The following TGFBR1 variants were observed in gnomAD, a reference collection of about 807,000 sequenced individuals.
The protein encoded by TGFBR1 is TGF-beta receptor type-1.
TGFBR1 carries 20 observed loss-of-function variants against 55.1 expected under a neutral mutation model. That is an observed-to-expected ratio of 0.36 (90% CI 0.26 to 0.53). The LOEUF (loss-of-function observed/expected upper bound fraction) is 0.53, where lower values mean the gene tolerates loss of function less well. Among genes scored for constraint, TGFBR1 ranks in the 20% least tolerant of loss-of-function variants. The pLI is 0.91. For missense variants in TGFBR1, 385 were observed against 617.6 expected, an observed-to-expected ratio of 0.62 and a Z score of 3.99; for synonymous variants, 220 against 214.8, an observed-to-expected ratio of 1.02 and a Z score of -0.21.
chr9:99,125,735 A>G (rs2118519287), intron 1 of TGFBR1, among the ~76,000 whole-genome samples: 1 of 152,304 alleles, frequency 6.6e-6, no homozygotes, highest in East Asian at 1.9e-4. Context: ...GACAGTGGCT[A>G]CTCATGATCT....
intron 1 of TGFBR1, among the ~76,000 whole-genome samples, chr9:99,109,731 C>T (rs573399184): frequency 9.3e-4 from 141 of 152,312 alleles, no homozygotes; most frequent in African/African-American, 3.2e-3. Flanking sequence ...GTTCTCTGAA[C>T]AGATGGACTG....
At chr9:99,110,238 T>TA (rs199877403) in intron 1 of TGFBR1, among the ~76,000 whole-genome samples, 2,918 of 152,116 alleles carry the variant, frequency 0.019, 91 homozygotes, top group African/African-American at 0.066. Flanking sequence ...TAATCTAACT[T>TA]AAAAAAAATT....
At chr9:99,138,952 C>T (rs1288260323) in intron 4 of TGFBR1, among the ~76,000 whole-genome samples, 1 of 152,088 alleles carries the variant, frequency 6.6e-6, no homozygotes, top group Admixed American at 6.6e-5. Flanking sequence ...CGTGCACCAC[C>T]ATGCCCAGCT....
At position 99,133,970 on chromosome 9, in the gene TGFBR1, C is replaced by T. The variant is rs183589506; in HGVS notation, c.574+1231C>T. Among the ~76,000 whole-genome samples, 315 of 146,896 alleles carry T rather than the reference C, an allele frequency of 2.1e-3. 1 individual carries two copies. Among genetic ancestry groups the T allele is most frequent in the Non-Finnish European group, 3.9e-3 (264 of 67,376 alleles). ...AGTTAGCTGAGATCGCACCACTGCA[C>T]TCCAGCCTGGGAAACAGACTCCATC... On this transcript the variant is annotated intron_variant, in intron 3 of 8. Coordinates refer to ENST00000374994, the MANE Select transcript of TGFBR1 (RefSeq NM_004612.4).
At position 99,149,807 on chromosome 9, in the gene TGFBR1, T is replaced by A. The variant is rs201269197; in HGVS notation, c.*502T>A. 10 of 229,944 alleles carry A rather than the reference T, an allele frequency of 4.3e-5. No individual in the cohort carries two copies. Among genetic ancestry groups the A allele is most frequent in the Non-Finnish European group, 7.8e-5 (9 of 115,066 alleles). The allele number at this position is 229,944 out of a possible 1,614,324, so 14.2% of individuals were successfully genotyped here. On this transcript the variant is annotated 3_prime_UTR_variant, in exon 9 of 9. Coordinates refer to ENST00000374994, the MANE Select transcript of TGFBR1 (RefSeq NM_004612.4). ...TTCAGGATCTTAAAACTAACACTTATAAAACTCTTATCTTGAGTCTAAAAA... is the reference window on the plus strand; with the variant it reads ...TTCAGGATCTTAAAACTAACACTTAAAAAACTCTTATCTTGAGTCTAAAAA...
chr9:99,128,916 C>T lies in TGFBR1; in HGVS notation c.159C>T (p.Leu53=). 1 of 1,613,950 alleles carries T rather than the reference C, an allele frequency of 6.2e-7. No individual in the cohort carries two copies. The highest frequency in any genetic ancestry group is 8.5e-7 in the Non-Finnish European group (1 of 1,179,928). ...ATTTTACTTGTGTGACAGATGGGCT[C>T]TGCTTTGTCTCTGTCACAGAGACCA... ...KDNFTCVTDG[L]CFVSVTETTD... is the part of the protein sequence containing the mutation. Residue 53 remains leucine, a synonymous_variant, in exon 2 of 9, where the codon CTC becomes CTT. Transcript: ENST00000374994.
Position 99,150,476 on chromosome 9 carries a change from T to C in TGFBR1, c.*1171T>C, listed in dbSNP as rs10988732. The C allele has an allele frequency of 2.1e-3, 454 of 214,026 alleles. 2 individuals are homozygous for C. Among genetic ancestry groups the C allele is most frequent in the African/African-American group, 9.7e-3 (432 of 44,456 alleles). The allele number at this position is 214,026 out of a possible 1,614,324, so 13.3% of individuals were successfully genotyped here. On this transcript the variant is annotated 3_prime_UTR_variant, in exon 9 of 9. Transcript: ENST00000374994. Reference sequence around the variant, plus strand: ...GGTTAATATTAAATAATAGGCCTTTTTCTAGGAAGGCGAAGGTAGTTAATA... The same window carrying C: ...GGTTAATATTAAATAATAGGCCTTTCTCTAGGAAGGCGAAGGTAGTTAATA...
intron 3 of TGFBR1, among the ~76,000 whole-genome samples, chr9:99,137,164 G>C (rs562550534): frequency 6.6e-6 from 1 of 152,254 alleles, no homozygotes; most frequent in East Asian, 1.9e-4. Context: ...TACTAGTGTT[G>C]TCTATGTAGC....
intron 1 of TGFBR1, chr9:99,128,616 A>G (rs1013160347): frequency 2.7e-5 from 17 of 625,826 alleles, no homozygotes; most frequent in Non-Finnish European, 4.9e-5. Flanking sequence ...AAAAAACTTC[A>G]GGAAAAAACC....
chr9:99,127,652 C>T, intron 1 of TGFBR1: 1 of 302,818 alleles, frequency 3.3e-6, no homozygotes, highest in Non-Finnish European at 6.5e-6. Flanking sequence ...AGGGAGTTAG[C>T]TCTGTCTATC....
chr9:99,108,171 A>G (rs556330858), intron 1 of TGFBR1, among the ~76,000 whole-genome samples: 3 of 152,206 alleles, frequency 2.0e-5, no homozygotes, highest in African/African-American at 7.2e-5. Context: ...AGTCCAGTTT[A>G]TGCAATATTA....
At chr9:99,132,794 CTTATT>C in intron 3 of TGFBR1, 55 bp downstream of exon 3, 4 of 1,605,720 alleles carry the variant, frequency 2.5e-6, no homozygotes, top group Non-Finnish European at 1.7e-6. Context: ...TTAAGCGATA[CTTATT>C]TTATTAGTTT....
chr9:99,149,443 T>C lies in TGFBR1; in HGVS notation c.*138T>C. On this transcript the variant is annotated 3_prime_UTR_variant, in exon 9 of 9. Transcript: ENST00000374994. ...TTTGCAGCAGTGTAATAAAGTCAATTAAAAACTTCCCAGGATTTCTTTGGA... is the reference window on the plus strand; with the variant it reads ...TTTGCAGCAGTGTAATAAAGTCAATCAAAAACTTCCCAGGATTTCTTTGGA... The C allele has an allele frequency of 7.9e-7, 1 of 1,272,122 alleles. No homozygotes were observed. The highest frequency in any genetic ancestry group is 1.5e-5 in the African/African-American group (1 of 67,464). The allele number at this position is 1,272,122 out of a possible 1,614,324, so 78.8% of individuals were successfully genotyped here.
chr9:99,118,278 T>C (rs75833741), intron 1 of TGFBR1, among the ~76,000 whole-genome samples: 3,445 of 152,308 alleles, frequency 0.023, 142 homozygotes, highest in African/African-American at 0.077. Context: ...CTGCAAGTAA[T>C]GATAGTTCTG....
intron 1 of TGFBR1, among the ~76,000 whole-genome samples, chr9:99,120,086 C>T (rs11466453): frequency 3.0e-3 from 455 of 152,292 alleles, no homozygotes; most frequent in African/African-American, 0.01. Context: ...AACCCTCAAA[C>T]CTTCTGAGAT....
chr9:99,104,906 C>T (rs1826354102), upstream of TGFBR1, among the ~76,000 whole-genome samples: 1 of 151,798 alleles, frequency 6.6e-6, no homozygotes, highest in South Asian at 2.1e-4. Context: ...TGGGGTCTGG[C>T]GGCCCAGCCC....
intron 3 of TGFBR1, among the ~76,000 whole-genome samples, chr9:99,134,991 G>T (rs1159067679): frequency 6.6e-6 from 1 of 151,522 alleles, no homozygotes; most frequent in African/African-American, 2.4e-5. Context: ...TCTCATGCTT[G>T]AGTTATTTCA....
At chr9:99,143,826 A>T (rs1322542379) in intron 5 of TGFBR1, among the ~76,000 whole-genome samples, 1 of 152,208 alleles carries the variant, frequency 6.6e-6, no homozygotes, top group Non-Finnish European at 1.5e-5. Flanking sequence ...CAAACTCCTT[A>T]GCCCTAGGCA....
At position 99,138,332 on chromosome 9, in the gene TGFBR1, T is replaced by G. The variant is rs189214423; in HGVS notation, c.805+243T>G. On this transcript the variant is annotated intron_variant, in intron 4 of 8. Coordinates refer to ENST00000374994, the MANE Select transcript of TGFBR1 (RefSeq NM_004612.4). Reference sequence around the variant, plus strand: ...TTTTATAAAATATAAAAGAGCTATTTTAAAAAGCCATGTACTTTGTTGGTT... The same window carrying G: ...TTTTATAAAATATAAAAGAGCTATTGTAAAAAGCCATGTACTTTGTTGGTT... 4.5e-4 allele frequency among the ~76,000 whole-genome samples: 68 copies of G among 152,334 alleles called. No individual in the cohort carries two copies. In the East Asian group the frequency reaches 0.011, roughly 24 times the overall value.
Sources: allele counts gnomAD v4.1 joint callset (sites outside exome capture counted in the v4.1 genomes callset), GRCh38; gene constraint gnomAD v4.1.1; transcripts MANE v1.5; gene names NCBI Gene and HGNC (gene_info 2026-07-23, HGNC 2026-07-21).